The following NTN5 variants were observed in gnomAD, a reference collection of about 807,000 sequenced individuals.
NTN5 encodes netrin-5.
A neutral mutation model predicts 38.7 loss-of-function variants in NTN5; 42 were observed. The observed-to-expected ratio is 1.08, with a 90% CI of 0.85 to 1.40. The LOEUF is 1.40. Among genes scored for constraint, NTN5 ranks in the 40% most tolerant of loss-of-function variants. The probability of loss-of-function intolerance (pLI) is 0.00; values close to 1 mark genes in which losing one functional copy is unlikely to be tolerated. For missense variants in NTN5, 658 were observed against 716.5 expected, an observed-to-expected ratio of 0.92 and a Z score of 0.93; for synonymous variants, 329 against 303.9, an observed-to-expected ratio of 1.08 and a Z score of -0.86.
In NTN5 at chr19:48,664,152, G is replaced by C; in HGVS notation, c.961C>G (p.Pro321Ala). The C allele has an allele frequency of 6.2e-7, 1 of 1,606,070 alleles. No individual in the cohort carries two copies. The highest frequency in any genetic ancestry group is 8.5e-7 in the Non-Finnish European group (1 of 1,176,722). ...GYQQSRSPRM[P>A]CQRIPEATTT... ...GCCCCTCAAGACTTACGCTGGCAGG[G>C]CATCCTGGGGGAGCGGCTCTGCTGG... Residue 321 changes from proline (P) to alanine (A), a missense_variant, in exon 4 of 7, where the codon CCC becomes GCC. Physicochemically the swap from Pro to Ala is conservative, Grantham distance 27. Coordinates refer to ENST00000270235, the MANE Select transcript of NTN5 (RefSeq NM_145807.4).
intron 2 of NTN5, among the ~76,000 whole-genome samples, chr19:48,669,906 C>CCAT (rs2031894224): frequency 2.7e-5 from 3 of 113,076 alleles, no homozygotes; most frequent in Admixed American, 8.8e-5. Context: ...ACCACCATCA[C>CCAT]CACCACCACC....
chr19:48,662,104 TG>T, intron 6 of NTN5, 63 bp from the exon 7 acceptor site: 1 of 1,348,308 alleles, frequency 7.4e-7, no homozygotes, highest in Non-Finnish European at 9.5e-7. Context: ...CTGGGTCCCG[TG>T]GGGTCAGTCA....
At position 48,670,479 on chromosome 19, in the gene NTN5, C is replaced by T. The variant is rs1239361716; in HGVS notation, c.508G>A (p.Ala170Thr). ...HGHAARCAARARPPRCHCRHH... is the reference protein window; with the variant it reads ...HGHAARCAARTRPPRCHCRHH... ...CGGCAGTGGCAGCGGGGGGGCCGGG[C>T]ACGGGCGGCACAGCGGGCAGCGTGG... Residue 170 changes from alanine (A) to threonine (T), a missense_variant, in exon 2 of 7, where the codon GCC becomes ACC. Transcript: ENST00000270235. 2.7e-6 allele frequency: 4 copies of T among 1,474,506 alleles called. No homozygotes were observed. In the African/African-American group the frequency reaches 5.7e-5, roughly 21 times the overall value. The allele number at this position is 1,474,506 out of a possible 1,614,324, so 91.3% of individuals were successfully genotyped here.
Position 48,664,256 on chromosome 19 carries a change from G to T in NTN5, c.857C>A (p.Thr286Asn), listed in dbSNP as rs756973738. The T allele has an allele frequency of 3.1e-6, 5 of 1,613,104 alleles. No individual in the cohort carries two copies. Among genetic ancestry groups the T allele is most frequent in the East Asian group, 2.2e-5 (1 of 44,860 alleles). ...QCHPIGATGG[T>N]CNQTSGQCTC... ...GCACTGCCCACTGGTCTGGTTGCAG[G>T]TTCCTCCTGTTGCCCCAATAGGGTG... The change falls in exon 4 of 7, where the codon ACC becomes AAC. Residue 286 changes from threonine to asparagine, a missense_variant. Thr to Asn is a moderately conservative substitution (Grantham distance 65). Coordinates refer to ENST00000270235, the MANE Select transcript of NTN5 (RefSeq NM_145807.4).
At position 48,664,233 on chromosome 19, in the gene NTN5, A is replaced by T; in HGVS notation, c.880T>A (p.Cys294Ser). The change falls in exon 4 of 7, where the codon TGC (cysteine) becomes AGC (serine). Residue 294 changes from cysteine to serine, a missense_variant. Cys to Ser is a moderately radical substitution (Grantham distance 112, BLOSUM62 -1). Transcript: ENST00000270235. ...CCTGTGACCCCTAACTTGCAGGTGC[A>T]CTGCCCACTGGTCTGGTTGCAGGTT... The part of the protein sequence containing the change: ...GGTCNQTSGQ[C>S]TCKLGVTGLT... The T allele has an allele frequency of 6.2e-7, 1 of 1,612,536 alleles. No individual in the cohort carries two copies. The highest frequency in any genetic ancestry group is 8.5e-7 in the Non-Finnish European group (1 of 1,179,432).
chr19:48,663,630 T>C, intron 5 of NTN5, 87 bp from the exon 6 acceptor site: 1 of 1,527,186 alleles, frequency 6.5e-7, no homozygotes, highest in Non-Finnish European at 9.1e-7. Flanking sequence ...TCCATCTTGA[T>C]GGCCAGCTGG....
At chr19:48,668,436 A>C (rs184028946) in intron 2 of NTN5, among the ~76,000 whole-genome samples, 1 of 152,326 alleles carries the variant, frequency 6.6e-6, no homozygotes, top group African/African-American at 2.4e-5. Flanking sequence ...GGTGGAGGAA[A>C]CTGGGGCACC....
At position 48,663,552 on chromosome 19, in the gene NTN5, G is replaced by T; in HGVS notation, c.1025-9C>A. 1 of 1,613,840 alleles carries T rather than the reference G, an allele frequency of 6.2e-7. No individual in the cohort carries two copies. The highest frequency in any genetic ancestry group is 8.5e-7 in the Non-Finnish European group (1 of 1,179,734). ...GTTTTGACACTGAGGGTCTGGGGAG[G>T]GTCAGGCTGTCTGCAGTGGGCTCCT... On this transcript the variant is annotated splice_polypyrimidine_tract_variant and intron_variant, in intron 5 of 6. Transcript: ENST00000270235.
In NTN5 at chr19:48,661,808, C is replaced by G; in HGVS notation, c.1339G>C (p.Asp447His). 2 of 1,353,012 alleles carry G rather than the reference C, an allele frequency of 1.5e-6. No individual in the cohort carries two copies. The highest frequency in any genetic ancestry group is 1.9e-6 in the Non-Finnish European group (2 of 1,059,212). 83.8% of individuals were successfully genotyped at this position (1,353,012 alleles called of 1,614,324 possible). A position where few individuals can be genotyped will look rare whatever the true frequency, so the allele number is the denominator to read the frequency against. Residue 447 changes from aspartate (D) to histidine (H), a missense_variant, in exon 7 of 7, where the codon GAC (aspartate) becomes CAC (histidine). Transcript: ENST00000270235. ...CATGGCAGCGCGAGGCCGTGGCGGT[C>G]GAGGATGAGGCGCGTGGGGTCGGGG... ...GDPDPTRLIL[D>H]RHGLALPWRP...
chr19:48,664,417 G>C, intron 3 of NTN5, 125 bp from the exon 4 acceptor site: 6 of 1,369,870 alleles, frequency 4.4e-6, no homozygotes, highest in Non-Finnish European at 4.9e-6. Context: ...TCAGACCCAG[G>C]AGTCCAGGCC....
intron 2 of NTN5, among the ~76,000 whole-genome samples, chr19:48,668,989 CCAT>C (rs1349873532): frequency 1.3e-5 from 2 of 150,604 alleles, no homozygotes; most frequent in South Asian, 4.2e-4. Context: ...ACCACTATCA[CCAT>C]CACCATCATC....
chr19:48,670,071 T>C (rs1346822019), intron 2 of NTN5, among the ~76,000 whole-genome samples: 1 of 145,678 alleles, frequency 6.9e-6, no homozygotes, highest in African/African-American at 2.6e-5. Flanking sequence ...ATCACCACCA[T>C]CATCACCATT....
rs754816283 is a variant in NTN5 at position 48,664,698 on chromosome 19, C to T, written c.701G>A (p.Arg234Gln). The T allele has an allele frequency of 1.7e-5, 28 of 1,605,822 alleles. No homozygotes were observed. The East Asian group carries it at 5.0e-4, about 28-fold the overall frequency. The change falls in exon 3 of 7, where the codon CGG becomes CAG. Residue 234 changes from arginine (R) to glutamine (Q), a missense_variant. By Grantham distance (43) the Arg-to-Gln change is conservative (BLOSUM62 1). Transcript: ENST00000270235. ...NSELFRLSGG[R>Q]SGGVCERCRH... is the part of the protein sequence containing the mutation. ...GCACCGCTCACAAACACCCCCACTC[C>T]GGCCGCCCGACAGTCTGAACAGCTC...
chr19:48,663,047 GGGAA>G, intron 6 of NTN5: 1 of 373,130 alleles, frequency 2.7e-6, no homozygotes, highest in Non-Finnish European at 5.3e-6. Flanking sequence ...CTGGGGATTA[GGGAA>G]CCGTGGGACA....
chr19:48,662,744 C>T (rs2031582587), intron 6 of NTN5: 1 of 156,982 alleles, frequency 6.4e-6, no homozygotes, highest in Non-Finnish European at 1.4e-5. Context: ...GCATGAGCCA[C>T]CGCGCCCGGC....
intron 6 of NTN5, among the ~76,000 whole-genome samples, chr19:48,662,270 G>A (rs1016920998): frequency 1.3e-5 from 2 of 152,070 alleles, no homozygotes; most frequent in Non-Finnish European, 2.9e-5. Context: ...AGTAGGTGGG[G>A]CTGGGGACAG....
intron 1 of NTN5, among the ~76,000 whole-genome samples, chr19:48,672,530 G>T (rs1223259922): frequency 6.6e-6 from 1 of 152,174 alleles, no homozygotes; most frequent in Admixed American, 6.5e-5. Flanking sequence ...CAGATGACAG[G>T]CCTCGCCCTC....
intron 4 of NTN5, 149 bp downstream of exon 4, chr19:48,663,994 C>A (rs967338936): frequency 2.5e-6 from 3 of 1,184,600 alleles, no homozygotes; most frequent in African/African-American, 3.1e-5. Context: ...GAATTTCAGT[C>A]CCTGCTTATC....
In NTN5 at chr19:48,661,965, AACGGCCAGCACGCGC is replaced by A. The variant is rs1358201959; in HGVS notation, c.1167_1181del (p.Arg390_Val394del). On this transcript the variant is annotated inframe_deletion, in exon 7 of 7. Transcript: ENST00000270235. ...GCACGGGCTGCGCCCGCTGCTTGTAAACGGCCAGCACGCGCACGGCCAGCCGCTGCCATGCCGGGC... is the reference window on the plus strand; with the variant it reads ...GCACGGGCTGCGCCCGCTGCTTGTAAACGGCCAGCCGCTGCCATGCCGGGC... The A allele has an allele frequency of 2.1e-6, 3 of 1,461,740 alleles. No homozygotes were observed. The highest frequency in any genetic ancestry group is 1.3e-5 in the South Asian group (1 of 78,114). 90.5% of individuals were successfully genotyped at this position (1,461,740 alleles called of 1,614,324 possible).
Sources: allele counts gnomAD v4.1 joint callset (sites outside exome capture counted in the v4.1 genomes callset), GRCh38; gene constraint gnomAD v4.1.1; transcripts MANE v1.5; gene names NCBI Gene and HGNC (gene_info 2026-07-23, HGNC 2026-07-21).